The following ERAP1 variants were observed in gnomAD, a reference collection of about 807,000 sequenced individuals.
ERAP1 encodes the protein adipocyte-derived leucine aminopeptidase.
A neutral mutation model predicts 103.7 loss-of-function variants in ERAP1; 86 were observed. That is an observed-to-expected ratio of 0.83 (90% CI 0.70 to 0.99). The LOEUF is 0.99. Ranked by LOEUF, ERAP1 falls within the 50% of genes least tolerant of loss-of-function variation. The probability of loss-of-function intolerance (pLI) is 0.00; values close to 1 mark genes in which losing one functional copy is unlikely to be tolerated. For missense variants in ERAP1, 1,009 were observed against 1,128.4 expected (o/e 0.89, Z 1.52); for synonymous variants, 398 against 402.4 (o/e 0.99, Z 0.13).
chr5:96,878,848 A>G, the ERAP1 span, among the ~76,000 whole-genome samples: 5 of 152,192 alleles, frequency 3.3e-5, no homozygotes, highest in African/African-American at 1.2e-4. Flanking sequence ...GAATCACTTG[A>G]ACCCCAGAGG....
chr5:96,848,594 T>C, the ERAP1 span: 1 of 152,104 alleles, frequency 6.6e-6, no homozygotes, highest in Admixed American at 6.5e-5. Context: ...AGAAATAAAA[T>C]ATCTGAATAG....
At chr5:96,810,916 T>G (rs1430154015), upstream of ERAP1, among the ~76,000 whole-genome samples, 1 of 152,174 alleles carries the variant, frequency 6.6e-6, no homozygotes, top group East Asian at 1.9e-4. Context: ...CACTCTCCTT[T>G]TTGATGTAAA....
the ERAP1 span, chr5:96,902,185 G>T: frequency 2.3e-6 from 2 of 852,666 alleles, no homozygotes; most frequent in African/African-American, 1.7e-5. Context: ...GGGTACTTAG[G>T]TGCCTTTTAC....
chr5:96,815,101 A>G, the ERAP1 span, among the ~76,000 whole-genome samples: 13 of 152,360 alleles, frequency 8.5e-5, 1 homozygote, highest in African/African-American at 3.1e-4. Flanking sequence ...AAAGAGACCA[A>G]GACTGAGTGG....
the ERAP1 span, among the ~76,000 whole-genome samples, chr5:96,916,751 A>T: frequency 1.4e-5 from 2 of 143,190 alleles, no homozygotes; most frequent in Non-Finnish European, 3.0e-5. Context: ...TACAGGCGTG[A>T]GCCACCAGCC....
chr5:96,929,128 C>T, the ERAP1 span, among the ~76,000 whole-genome samples: 1 of 152,176 alleles, frequency 6.6e-6, no homozygotes, highest in Non-Finnish European at 1.5e-5. Flanking sequence ...ATGTGTAAAA[C>T]CCCCAAGTCA....
chr5:96,779,993 A>G (rs1188045785), intron 18 of ERAP1, among the ~76,000 whole-genome samples: 1 of 152,176 alleles, frequency 6.6e-6, no homozygotes, highest in Non-Finnish European at 1.5e-5. Flanking sequence ...GCTGCCTGAA[A>G]TTCTTTCTGA....
At chr5:96,905,105 A>G in the ERAP1 span, among the ~76,000 whole-genome samples, 9 of 152,126 alleles carry the variant, frequency 5.9e-5, no homozygotes, top group Non-Finnish European at 1.3e-4. Context: ...TGCAGTACTT[A>G]CTCAATAAAT....
chr5:96,839,186 G>C, the ERAP1 span, among the ~76,000 whole-genome samples: 1 of 152,248 alleles, frequency 6.6e-6, no homozygotes, highest in Admixed American at 6.5e-5. Flanking sequence ...TGTCATCCTT[G>C]TGGTACGTAA....
At chr5:96,788,170 T>A (rs1776309456) in intron 11 of ERAP1, among the ~76,000 whole-genome samples, 1 of 152,182 alleles carries the variant, frequency 6.6e-6, no homozygotes, top group East Asian at 1.9e-4. Flanking sequence ...GGAAATCACC[T>A]AAATTCTTTT....
In ERAP1 at chr5:96,776,118, T is replaced by TA; in HGVS notation, c.*277dup. ...GACACGGGTGCTTAAGCATAAACTA[T>TA]AAAATGAGAAGAATAAGGTACTTTA... is the stretch of plus-strand genomic sequence containing the variant. On this transcript the variant is annotated 3_prime_UTR_variant, in exon 19 of 19. Transcript: ENST00000443439. The TA allele has an allele frequency of 7.2e-7, 1 of 1,391,540 alleles. No individual in the cohort carries two copies. Among genetic ancestry groups the TA allele is most frequent in the Non-Finnish European group, 9.5e-7 (1 of 1,056,716 alleles). 86.2% of individuals were successfully genotyped at this position (1,391,540 alleles called of 1,614,324 possible). A position where few individuals can be genotyped will look rare whatever the true frequency, so the allele number is the denominator to read the frequency against.
the ERAP1 span, among the ~76,000 whole-genome samples, chr5:96,817,834 C>A: frequency 3.9e-5 from 6 of 152,358 alleles, no homozygotes; most frequent in East Asian, 9.6e-4. Flanking sequence ...AAATTCAAGT[C>A]TCCCACCAGT....
chr5:96,763,755 A>G (rs1283431119), intron 19 of ERAP1, among the ~76,000 whole-genome samples: 2 of 152,226 alleles, frequency 1.3e-5, no homozygotes, highest in African/African-American at 4.8e-5. Flanking sequence ...ACAGTGTTAC[A>G]TACACTGAAA....
the ERAP1 span, among the ~76,000 whole-genome samples, chr5:96,920,063 A>T: frequency 6.6e-6 from 1 of 152,182 alleles, no homozygotes; most frequent in Non-Finnish European, 1.5e-5. Context: ...GGTAATCCCA[A>T]CACTTTGGGA....
chr5:96,861,826 C>T, the ERAP1 span, among the ~76,000 whole-genome samples: 7 of 152,204 alleles, frequency 4.6e-5, no homozygotes, highest in Non-Finnish European at 8.8e-5. Context: ...TCCACTGTGA[C>T]TACAGAGCAG....
At chr5:96,847,379 G>T in the ERAP1 span, among the ~76,000 whole-genome samples, 7,245 of 152,170 alleles carry the variant, frequency 0.048, 208 homozygotes, top group South Asian at 0.11. Flanking sequence ...ACTAGTAGAG[G>T]ATTTTAATAT....
chr5:96,891,535 T>TACACAC, the ERAP1 span, among the ~76,000 whole-genome samples: 2 of 138,992 alleles, frequency 1.4e-5, no homozygotes, highest in South Asian at 2.3e-4. Context: ...ACGGTATATA[T>TACACAC]ACACACACAC....
the ERAP1 span, among the ~76,000 whole-genome samples, chr5:96,876,954 A>T: frequency 1.3e-5 from 2 of 151,970 alleles, no homozygotes; most frequent in South Asian, 4.2e-4. Context: ...TCATCTGTTT[A>T]TTTAATTTAA....
the ERAP1 span, among the ~76,000 whole-genome samples, chr5:96,842,550 C>T: frequency 6.6e-6 from 1 of 152,158 alleles, no homozygotes; most frequent in Non-Finnish European, 1.5e-5. Flanking sequence ...TGATGTTGAG[C>T]ATTTTTTCAT....
Sources: allele counts gnomAD v4.1 joint callset (sites outside exome capture counted in the v4.1 genomes callset), GRCh38; gene constraint gnomAD v4.1.1; transcripts MANE v1.5; gene names NCBI Gene and HGNC (gene_info 2026-07-23, HGNC 2026-07-21).